The following HPCA variants were observed in gnomAD, a reference collection of about 807,000 sequenced individuals.
HPCA encodes the protein neuron-specific calcium-binding protein hippocalcin.
In HPCA, 4 loss-of-function variants were observed where a neutral mutation model predicts 18.2. That is an observed-to-expected ratio of 0.22 (90% CI 0.11 to 0.50). The LOEUF is 0.50. HPCA is among the 20% of genes least tolerant of loss of function. HPCA has a pLI of 0.97. For missense variants in HPCA, 161 were observed against 265.8 expected, an observed-to-expected ratio of 0.61 and a Z score of 2.74; for synonymous variants, 93 against 103.5, an observed-to-expected ratio of 0.90 and a Z score of 0.61.
chr1:32,891,635 T>C (rs532103260), intron 2 of HPCA, among the ~76,000 whole-genome samples: 15 of 152,266 alleles, frequency 9.9e-5, no homozygotes, highest in African/African-American at 3.1e-4. Context: ...ATAATCTCAT[T>C]TAATCTGAGG....
In HPCA at chr1:32,886,497, G is replaced by C. The variant is rs1430214737; in HGVS notation, c.-40G>C. On this transcript the variant is annotated 5_prime_UTR_variant, in exon 1 of 4. Coordinates refer to ENST00000373467, the MANE Select transcript of HPCA (RefSeq NM_002143.3). This position sits in a 1 kb window ranked among gnomAD's most constrained non-coding sequence, Gnocchi z 7.0. Reference sequence around the variant, plus strand: ...GCAGCGCCGCCTTCCCTGCGCAGTCGGTGTCTCCGCGTCGCTGGGTGAGTG... The same window carrying C: ...GCAGCGCCGCCTTCCCTGCGCAGTCCGTGTCTCCGCGTCGCTGGGTGAGTG... 1 of 152,214 alleles carries C rather than the reference G, an allele frequency of 6.6e-6. No homozygotes were observed. The highest frequency in any genetic ancestry group is 2.4e-5 in the African/African-American group (1 of 41,430). 9.4% of individuals were successfully genotyped at this position (152,214 alleles called of 1,614,324 possible).
chr1:32,888,228 T>C (rs1180824252), intron 1 of HPCA, among the ~76,000 whole-genome samples: 1 of 152,174 alleles, frequency 6.6e-6, no homozygotes, highest in Non-Finnish European at 1.5e-5. Flanking sequence ...CAAGGTCACA[T>C]AGCTGGTAAG....
At position 32,893,980 on chromosome 1, in the gene HPCA, C is replaced by T. The variant is rs1641518475; in HGVS notation, c.*118C>T. 1 of 808,212 alleles carries T rather than the reference C, an allele frequency of 1.2e-6. No homozygotes were observed. Among genetic ancestry groups the T allele is most frequent in the African/African-American group, 1.7e-5 (1 of 58,876 alleles). The allele number at this position is 808,212 out of a possible 1,614,324, so 50.1% of individuals were successfully genotyped here. The stretch of plus-strand genomic sequence containing the variant: ...ATTGGGGAAGCCCTTCTCCCCGGGT[C>T]TGCCCTGTGGGGGGCTTCCGGAAAA... On this transcript the variant is annotated 3_prime_UTR_variant, in exon 4 of 4. Coordinates refer to ENST00000373467, the MANE Select transcript of HPCA (RefSeq NM_002143.3). The surrounding 1 kb of genome is among the most constrained non-coding windows in gnomAD (Gnocchi z 7.5).
At chr1:32,886,167 G>A (rs1641358529), upstream of HPCA, 1 of 152,212 alleles carries the variant, frequency 6.6e-6, no homozygotes, top group South Asian at 2.1e-4. The surrounding 1 kb of genome is among the most constrained non-coding windows in gnomAD (Gnocchi z 7.0). Context: ...GATCGCCCCC[G>A]GCTCAGGAGA....
In HPCA at chr1:32,892,966, G is replaced by C. The variant is rs1641485320; in HGVS notation, c.379-558G>C. 8.5e-5 allele frequency among the ~76,000 whole-genome samples: 13 copies of C among 152,104 alleles called. No individual in the cohort carries two copies. In the South Asian group the frequency reaches 2.7e-3, roughly 31 times the overall value. ...CCCTGCCCGCTGCAGATGCTCATTTGCATTCATTTGCATACTGTTCCCCGC... is the reference window on the plus strand; with the variant it reads ...CCCTGCCCGCTGCAGATGCTCATTTCCATTCATTTGCATACTGTTCCCCGC... On this transcript the variant is annotated intron_variant, in intron 2 of 3. Coordinates refer to ENST00000373467, the MANE Select transcript of HPCA (RefSeq NM_002143.3).
intron 1 of HPCA, among the ~76,000 whole-genome samples, chr1:32,887,518 C>A (rs1557538705): frequency 6.6e-6 from 1 of 152,094 alleles, no homozygotes; most frequent in Non-Finnish European, 1.5e-5. Context: ...ACTCAGCCTC[C>A]ACAATCTAAC....
rs1641421100 is a variant in HPCA, at chr1:32,889,379, G to A, written c.378+103G>A. 1 of 1,268,074 alleles carries A rather than the reference G, an allele frequency of 7.9e-7. No individual in the cohort carries two copies. The allele number at this position is 1,268,074 out of a possible 1,614,324, so 78.6% of individuals were successfully genotyped here. ...CAGACCTCGTAGGCATGTGGTGGCA[G>A]GGGATATTCTTGCAATCCCATTTTA... is the stretch of plus-strand genomic sequence containing the variant. On this transcript the variant is annotated intron_variant, in intron 2 of 3. Coordinates refer to ENST00000373467, the MANE Select transcript of HPCA (RefSeq NM_002143.3). The surrounding 1 kb of genome is among the most constrained non-coding windows in gnomAD (Gnocchi z 4.6).
chr1:32,893,959 G>C lies in HPCA; in HGVS notation c.*97G>C, dbSNP rs904193856. 2.1e-6 allele frequency: 2 copies of C among 940,496 alleles called. No homozygotes were observed. The highest frequency in any genetic ancestry group is 4.3e-5 in the Admixed American group (2 of 46,912). 58.3% of individuals were successfully genotyped at this position (940,496 alleles called of 1,614,324 possible). ...TGTATTCTGGCTGGGGGCCAGATTG[G>C]GGAAGCCCTTCTCCCCGGGTCTGCC... is the stretch of plus-strand genomic sequence containing the variant. On this transcript the variant is annotated 3_prime_UTR_variant, in exon 4 of 4. Transcript: ENST00000373467. This position sits in a 1 kb window ranked among gnomAD's most constrained non-coding sequence, Gnocchi z 7.5.
Position 32,889,191 on chromosome 1 carries a change from A to G in HPCA, c.293A>G (p.Glu98Gly). 6.2e-7 allele frequency: 1 copy of G among 1,614,232 alleles called. No homozygotes were observed. The highest frequency in any genetic ancestry group is 8.5e-7 in the Non-Finnish European group (1 of 1,180,036). ...AGCGTGACCTCGCGCGGCCGCCTGG[A>G]GCAGAAGCTCATGTGGGCCTTCAGC... is the stretch of plus-strand genomic sequence containing the variant. ...ALSVTSRGRLEQKLMWAFSMY... is the reference protein window; with the variant it reads ...ALSVTSRGRLGQKLMWAFSMY... The change falls in exon 2 of 4, where the codon GAG becomes GGG. Residue 98 changes from glutamate to glycine, a missense_variant. Coordinates refer to ENST00000373467, the MANE Select transcript of HPCA (RefSeq NM_002143.3). This position sits in a 1 kb window ranked among gnomAD's most constrained non-coding sequence, Gnocchi z 4.6.
At position 32,893,851 on chromosome 1, in the gene HPCA, T is replaced by A; in HGVS notation, c.571T>A (p.Ser191Thr). Reference sequence around the variant, plus strand: ...GCTGCAGTGCGACCCCAGCAGCGCCTCCCAGTTCTGAGAGGAGCCAGGTTC... The same window carrying A: ...GCTGCAGTGCGACCCCAGCAGCGCCACCCAGTTCTGAGAGGAGCCAGGTTC... ...RLLQCDPSSASQF is the reference protein window; with the variant it reads ...RLLQCDPSSATQF The change falls in exon 4 of 4, where the codon TCC (serine) becomes ACC (threonine). Residue 191 changes from serine (S) to threonine (T), a missense_variant. Coordinates refer to ENST00000373467, the MANE Select transcript of HPCA (RefSeq NM_002143.3). This position sits in a 1 kb window ranked among gnomAD's most constrained non-coding sequence, Gnocchi z 7.5. The A allele has an allele frequency of 6.4e-7, 1 of 1,568,910 alleles. No individual in the cohort carries two copies. Among genetic ancestry groups the A allele is most frequent in the Non-Finnish European group, 8.6e-7 (1 of 1,157,562 alleles).
chr1:32,888,722 G>C (rs1641409489), intron 1 of HPCA, among the ~76,000 whole-genome samples, 156 bp from the exon 2 acceptor site: 1 of 152,056 alleles, frequency 6.6e-6, no homozygotes, highest in South Asian at 2.1e-4. Context: ...AGGATGCCTG[G>C]GTCTAGGCTG....
intron 2 of HPCA, among the ~76,000 whole-genome samples, chr1:32,890,326 T>C (rs1641435210): frequency 6.6e-6 from 1 of 152,250 alleles, no homozygotes; most frequent in Non-Finnish European, 1.5e-5. Flanking sequence ...TAAATGCCTT[T>C]TGTTAGTACA....
chr1:32,893,448 C>T lies in HPCA; in HGVS notation c.379-76C>T. The T allele has an allele frequency of 1.9e-6, 2 of 1,046,020 alleles. No individual in the cohort carries two copies. The highest frequency in any genetic ancestry group is 1.3e-5 in the South Asian group (1 of 74,500). The allele number at this position is 1,046,020 out of a possible 1,614,324, so 64.8% of individuals were successfully genotyped here. A position where few individuals can be genotyped will look rare whatever the true frequency, so the allele number is the denominator to read the frequency against. ...CGGGGGCAGCAAACGTCAGAGAGCC[C>T]GGGGGCGCCTCTGAATCTTGCGGGT... On this transcript the variant is annotated intron_variant, in intron 2 of 3. Transcript: ENST00000373467. This position sits in a 1 kb window ranked among gnomAD's most constrained non-coding sequence, Gnocchi z 7.5.
intron 1 of HPCA, among the ~76,000 whole-genome samples, chr1:32,888,119 C>A (rs1164739490): frequency 6.6e-6 from 1 of 152,158 alleles, no homozygotes; most frequent in Non-Finnish European, 1.5e-5. Context: ...AAGTGCTTCA[C>A]ACATATTAAC....
chr1:32,893,517 C>T lies in HPCA; in HGVS notation c.379-7C>T, dbSNP rs1295704518. The T allele has an allele frequency of 1.9e-6, 3 of 1,602,108 alleles. No individual in the cohort carries two copies. Among genetic ancestry groups the T allele is most frequent in the Non-Finnish European group, 2.6e-6 (3 of 1,169,738 alleles). ...CTCTCACTCCCCGCCTCCCCTCCCGCCCCCAGGCCATTTACAAGATGGTTT... is the reference window on the plus strand; with the variant it reads ...CTCTCACTCCCCGCCTCCCCTCCCGTCCCCAGGCCATTTACAAGATGGTTT... On this transcript the variant is annotated splice_region_variant and splice_polypyrimidine_tract_variant and intron_variant, in intron 2 of 3. Coordinates refer to ENST00000373467, the MANE Select transcript of HPCA (RefSeq NM_002143.3). This position sits in a 1 kb window ranked among gnomAD's most constrained non-coding sequence, Gnocchi z 7.5.
At position 32,886,727 on chromosome 1, in the gene HPCA, C is replaced by G. The variant is rs888678309; in HGVS notation, c.-22+212C>G. Among the ~76,000 whole-genome samples, 1 of 152,058 alleles carries G rather than the reference C, an allele frequency of 6.6e-6. No individual in the cohort carries two copies. The highest frequency in any genetic ancestry group is 2.4e-5 in the African/African-American group (1 of 41,426). On this transcript the variant is annotated intron_variant, in intron 1 of 3. Transcript: ENST00000373467. The surrounding 1 kb of genome is among the most constrained non-coding windows in gnomAD (Gnocchi z 7.0). ...CCGGCCCCTAGGAACCGCGTTCGAC[C>G]GCCCTGGAGCGCCCCCTCCAGGAGG...
At chr1:32,890,381 T>A (rs987850868) in intron 2 of HPCA, among the ~76,000 whole-genome samples, 5 of 152,184 alleles carry the variant, frequency 3.3e-5, no homozygotes, top group Admixed American at 6.5e-5. Flanking sequence ...AAACCACCCA[T>A]CCCCTCAGCC....
At chr1:32,887,426 C>T (rs1344846446) in intron 1 of HPCA, among the ~76,000 whole-genome samples, 1 of 152,146 alleles carries the variant, frequency 6.6e-6, no homozygotes, top group Non-Finnish European at 1.5e-5. Context: ...CCCCTCCTTG[C>T]CCTAAGTGGG....
intron 1 of HPCA, among the ~76,000 whole-genome samples, chr1:32,887,302 G>A (rs964842863): frequency 1.5e-4 from 23 of 152,232 alleles, no homozygotes; most frequent in Non-Finnish European, 4.4e-5. Context: ...GGAAAGACAC[G>A]GCAGGCAAAT....
Sources: allele counts gnomAD v4.1 joint callset (sites outside exome capture counted in the v4.1 genomes callset), GRCh38; gene constraint gnomAD v4.1.1; non-coding constraint Gnocchi (gnomAD v3.1); transcripts MANE v1.5; gene names NCBI Gene and HGNC (gene_info 2026-07-23, HGNC 2026-07-21).